The following CCSER1 variants were observed in gnomAD, a reference collection of about 807,000 sequenced individuals.
CCSER1 encodes the protein serine-rich coiled-coil domain-containing protein 1.
A neutral mutation model predicts 82.0 loss-of-function variants in CCSER1; 41 were observed. The observed-to-expected ratio is 0.50, with a 90% CI of 0.39 to 0.65. The LOEUF is 0.65. CCSER1 is among the 30% of genes least tolerant of loss of function. The probability of loss-of-function intolerance (pLI) is 0.00; values close to 1 mark genes in which losing one functional copy is unlikely to be tolerated. For missense variants in CCSER1, 1,119 were observed against 1,064.2 expected (o/e 1.05, Z -0.72); for synonymous variants, 414 against 383.9 (o/e 1.08, Z -0.92).
chr4:91,211,985 T>G lies in CCSER1; in HGVS notation c.2217+125991T>G, dbSNP rs569630546. Among the ~76,000 whole-genome samples the G allele has an allele frequency of 5.9e-4, 90 of 152,254 alleles. 2 individuals carry two copies. The South Asian group carries it at 0.018, about 30-fold the overall frequency. On this transcript the variant is annotated intron_variant, in intron 10 of 10. Transcript: ENST00000509176. ...TTTGTGGCAGTGGCTAACAGGTTTT[T>G]CAAATTTCATCAGTTATGCACATTT...
At chr4:90,753,490 CT>C (rs1167323606) in intron 7 of CCSER1, among the ~76,000 whole-genome samples, 4 of 152,050 alleles carry the variant, frequency 2.6e-5, no homozygotes, top group Non-Finnish European at 5.9e-5. Flanking sequence ...ATTTTTCATA[CT>C]CTTTCTCACA....
intron 3 of CCSER1, among the ~76,000 whole-genome samples, chr4:90,375,170 T>C (rs1303803642): frequency 2.0e-5 from 3 of 152,192 alleles, no homozygotes; most frequent in African/African-American, 7.2e-5. Context: ...TTAATTCTAG[T>C]TCATCCAACT....
chr4:90,667,628 T>G (rs1732046810), intron 6 of CCSER1, among the ~76,000 whole-genome samples: 1 of 152,122 alleles, frequency 6.6e-6, no homozygotes, highest in Non-Finnish European at 1.5e-5. Flanking sequence ...TTGCTGAGAA[T>G]GATGGTTTCC....
At chr4:91,268,875 C>T (rs191259393) in intron 10 of CCSER1, among the ~76,000 whole-genome samples, 205 of 152,242 alleles carry the variant, frequency 1.3e-3, no homozygotes, top group African/African-American at 4.9e-3. Flanking sequence ...CAGGAACCAG[C>T]CATTTTCACT....
intron 1 of CCSER1, among the ~76,000 whole-genome samples, chr4:90,228,520 A>G (rs1560834286): frequency 6.6e-6 from 1 of 152,132 alleles, no homozygotes; most frequent in African/African-American, 2.4e-5. Flanking sequence ...CAAGATGGGG[A>G]AAAAACAGAG....
At chr4:90,358,009 A>T (rs1021294922) in intron 3 of CCSER1, among the ~76,000 whole-genome samples, 1 of 152,036 alleles carries the variant, frequency 6.6e-6, no homozygotes, top group Non-Finnish European at 1.5e-5. Context: ...CCCTAAAAAA[A>T]ATATGAAGTC....
At chr4:90,384,124 CATTTT>C (rs562501783) in intron 3 of CCSER1, among the ~76,000 whole-genome samples, 3 of 151,154 alleles carry the variant, frequency 2.0e-5, no homozygotes, top group South Asian at 2.1e-4. Context: ...TTGGTGCAAT[CATTTT>C]ATTTTATTTT....
intron 10 of CCSER1, among the ~76,000 whole-genome samples, chr4:91,597,260 G>A (rs910985973): frequency 6.6e-6 from 1 of 152,060 alleles, no homozygotes; most frequent in African/African-American, 2.4e-5. Context: ...CTCTTGTGAA[G>A]AGTGAATATA....
chr4:91,039,212 CT>C (rs5860218), intron 9 of CCSER1, among the ~76,000 whole-genome samples: 96 of 145,672 alleles, frequency 6.6e-4, no homozygotes, highest in Middle Eastern at 3.6e-3. Context: ...TTCTTTCTTT[CT>C]TTTTTTTTTT....
intron 7 of CCSER1, chr4:90,781,257 T>C: frequency 1.0e-6 from 1 of 984,484 alleles, no homozygotes; most frequent in African/African-American, 1.7e-5. Flanking sequence ...ATAGAAAGAG[T>C]ATGCACCATA....
chr4:90,725,579 G>A (rs923311002), intron 7 of CCSER1, among the ~76,000 whole-genome samples: 29 of 151,280 alleles, frequency 1.9e-4, no homozygotes, highest in Non-Finnish European at 4.4e-5. Flanking sequence ...TCCCACTAGT[G>A]TTTATAAGTA....
chr4:90,933,286 CA>C (rs1730479846), intron 9 of CCSER1, among the ~76,000 whole-genome samples: 1 of 151,092 alleles, frequency 6.6e-6, no homozygotes, highest in Non-Finnish European at 1.5e-5. Flanking sequence ...CTCCCGGGTT[CA>C]CCGCATTCTC....
chr4:91,022,042 G>T (rs1174500687), intron 9 of CCSER1, among the ~76,000 whole-genome samples: 1 of 151,858 alleles, frequency 6.6e-6, no homozygotes, highest in Non-Finnish European at 1.5e-5. Flanking sequence ...GGGTACACGT[G>T]CACAATGTGC....
intron 4 of CCSER1, among the ~76,000 whole-genome samples, chr4:90,405,670 G>T (rs1235289292): frequency 6.6e-6 from 1 of 152,162 alleles, no homozygotes; most frequent in Non-Finnish European, 1.5e-5. Flanking sequence ...TTTCTCAGCA[G>T]AAACCTTACA....
chr4:90,508,490 A>G (rs1771027421), intron 5 of CCSER1, among the ~76,000 whole-genome samples: 1 of 151,994 alleles, frequency 6.6e-6, no homozygotes. Context: ...TTTTCTCTAC[A>G]TAGGAATCCT....
intron 10 of CCSER1, among the ~76,000 whole-genome samples, chr4:91,578,803 A>T (rs1358565768): frequency 6.6e-6 from 1 of 151,944 alleles, no homozygotes; most frequent in Non-Finnish European, 1.5e-5. Flanking sequence ...TGCAGCTGGC[A>T]GTAGAATGTG....
chr4:90,450,996 G>C (rs1317888010), intron 4 of CCSER1, among the ~76,000 whole-genome samples: 1 of 152,210 alleles, frequency 6.6e-6, no homozygotes, highest in Non-Finnish European at 1.5e-5. Flanking sequence ...GGGCTATGGA[G>C]AGAAGAGTAA....
Position 91,292,734 on chromosome 4 carries a change from A to C in CCSER1, c.2217+206740A>C, listed in dbSNP as rs1743849771. Among the ~76,000 whole-genome samples, 3 of 152,138 alleles carry C rather than the reference A, an allele frequency of 2.0e-5. No individual in the cohort carries two copies. The South Asian group carries it at 6.2e-4, about 31-fold the overall frequency. ...GAAAGAAGGCATCCATCAGAAGTGG[A>C]GCATTTAAGAATCATTAAAACAGAG... On this transcript the variant is annotated intron_variant, in intron 10 of 10. Coordinates refer to ENST00000509176, the MANE Select transcript of CCSER1 (RefSeq NM_001145065.2).
chr4:91,594,272 CAT>C (rs371669359), intron 10 of CCSER1, among the ~76,000 whole-genome samples: 21 of 148,202 alleles, frequency 1.4e-4, no homozygotes, highest in Admixed American at 4.8e-4. Flanking sequence ...CAACCAAATC[CAT>C]ATATATATAT....
Sources: gnomAD v4.1 joint callset for allele counts (sites outside exome capture counted in the v4.1 genomes callset) on GRCh38, gnomAD v4.1.1 for gene constraint, MANE v1.5 for transcripts, NCBI Gene and HGNC (gene_info 2026-07-23, HGNC 2026-07-21) for gene names.